Variants in LOC128125817 observed in about 807,000 individuals in gnomAD.
At chr1:41,610,406 T>C in the LOC128125817 span, among the ~76,000 whole-genome samples, 2 of 152,256 alleles carry the variant, frequency 1.3e-5, no homozygotes, top group African/African-American at 4.8e-5. Flanking sequence ...GGAGCCAGTC[T>C]CATTCACCAT....
At chr1:41,611,144 C>T in the LOC128125817 span, among the ~76,000 whole-genome samples, 81 of 152,222 alleles carry the variant, frequency 5.3e-4, 2 homozygotes, top group Admixed American at 1.8e-3. Context: ...ACAAAGGTCA[C>T]GGGTTGTCCA....
At chr1:41,605,373 G>A in the LOC128125817 span, among the ~76,000 whole-genome samples, 8,343 of 106,682 alleles carry the variant, frequency 0.078, 284 homozygotes, top group Middle Eastern at 0.13. Context: ...ACACGCACAC[G>A]CGCACACACA....
the LOC128125817 span, among the ~76,000 whole-genome samples, chr1:41,608,959 C>G: frequency 5.9e-3 from 889 of 150,984 alleles, 5 homozygotes; most frequent in Non-Finnish European, 0.01. Context: ...TGGTGCATGC[C>G]TGTAATCCCA....
chr1:41,607,582 AT>A, the LOC128125817 span, among the ~76,000 whole-genome samples: 1 of 152,122 alleles, frequency 6.6e-6, no homozygotes, highest in East Asian at 1.9e-4. Context: ...TTCCTTTGAA[AT>A]AAGCTCTTCC....
At chr1:41,592,083 G>A in the LOC128125817 span, among the ~76,000 whole-genome samples, 1 of 152,134 alleles carries the variant, frequency 6.6e-6, no homozygotes, top group Non-Finnish European at 1.5e-5. Flanking sequence ...TGAGAGCCAG[G>A]GGGCTGAGCA....
the LOC128125817 span, among the ~76,000 whole-genome samples, chr1:41,608,851 C>T: frequency 6.7e-6 from 1 of 150,128 alleles, no homozygotes; most frequent in African/African-American, 2.5e-5. Context: ...GCGGGTGGAT[C>T]ACTTGAGGTC....
the LOC128125817 span, among the ~76,000 whole-genome samples, chr1:41,627,353 A>G: frequency 6.6e-6 from 1 of 152,234 alleles, no homozygotes; most frequent in Non-Finnish European, 1.5e-5. Context: ...GCCTCACACA[A>G]CCACTAAGAG....
the LOC128125817 span, among the ~76,000 whole-genome samples, chr1:41,608,917 C>CAAAAAA: frequency 3.6e-4 from 45 of 123,530 alleles, no homozygotes; most frequent in African/African-American, 1.2e-3. Context: ...CTAAAAATAC[C>CAAAAAA]AAAAAAAAAA....
At chr1:41,626,018 A>T in the LOC128125817 span, among the ~76,000 whole-genome samples, 1 of 152,258 alleles carries the variant, frequency 6.6e-6, no homozygotes, top group African/African-American at 2.4e-5. Flanking sequence ...TCCATTTTCA[A>T]ATGAGATCTG....
chr1:41,609,206 G>A, the LOC128125817 span, among the ~76,000 whole-genome samples: 9 of 152,220 alleles, frequency 5.9e-5, no homozygotes, highest in South Asian at 1.0e-3. Context: ...TGTGGACACC[G>A]GAAAGGAAGA....
At chr1:41,605,546 GA>G in the LOC128125817 span, among the ~76,000 whole-genome samples, 1 of 151,952 alleles carries the variant, frequency 6.6e-6, no homozygotes, top group Non-Finnish European at 1.5e-5. Flanking sequence ...TAGGGAAAGA[GA>G]AAAAAGAACC....
chr1:41,627,279 C>T, the LOC128125817 span, among the ~76,000 whole-genome samples: 3 of 152,200 alleles, frequency 2.0e-5, no homozygotes, highest in East Asian at 5.8e-4. Flanking sequence ...TCACTACCAG[C>T]CTCATTTTGC....
the LOC128125817 span, among the ~76,000 whole-genome samples, chr1:41,615,797 C>T: frequency 1.5e-5 from 2 of 137,148 alleles, no homozygotes; most frequent in Non-Finnish European, 3.0e-5. Flanking sequence ...TGCAGGGCTT[C>T]CACTGTATTT....
chr1:41,615,368 C>T, the LOC128125817 span, among the ~76,000 whole-genome samples: 1 of 152,220 alleles, frequency 6.6e-6, no homozygotes, highest in Non-Finnish European at 1.5e-5. Flanking sequence ...GGGGCTGCCC[C>T]CCATCTCCTC....
chr1:41,610,632 G>A, the LOC128125817 span, among the ~76,000 whole-genome samples: 1 of 152,210 alleles, frequency 6.6e-6, no homozygotes, highest in African/African-American at 2.4e-5. Context: ...GCCTTCTTCA[G>A]CTCTGGTGAG....
chr1:41,591,522 G>T, the LOC128125817 span, among the ~76,000 whole-genome samples: 1 of 151,940 alleles, frequency 6.6e-6, no homozygotes, highest in Non-Finnish European at 1.5e-5. Context: ...CCAACCCAGG[G>T]CACAAGCTAG....
chr1:41,590,519 G>T, the LOC128125817 span, among the ~76,000 whole-genome samples: 20 of 152,222 alleles, frequency 1.3e-4, no homozygotes, highest in Non-Finnish European at 2.6e-4. Flanking sequence ...TGACCACATG[G>T]ACAAGAACAT....
chr1:41,589,253 G>T, the LOC128125817 span, among the ~76,000 whole-genome samples: 1 of 152,292 alleles, frequency 6.6e-6, no homozygotes, highest in Admixed American at 6.5e-5. Context: ...TCTACTGATG[G>T]TCACAGAATG....
chr1:41,605,367 G>GCGCA, the LOC128125817 span, among the ~76,000 whole-genome samples: 1 of 111,734 alleles, frequency 8.9e-6, no homozygotes, highest in Non-Finnish European at 1.7e-5. Context: ...ATACACACAC[G>GCGCA]CACACGCGCA....
Sources: allele counts gnomAD v4.1 joint callset (sites outside exome capture counted in the v4.1 genomes callset), GRCh38; gene constraint gnomAD v4.1.1; transcripts MANE v1.5.